DGCR2: variants seen among roughly 807,000 people sequenced by gnomAD.
DGCR2 encodes the protein DiGeorge syndrome critical region gene 2.
A neutral mutation model predicts 51.6 loss-of-function variants in DGCR2; 24 were observed. The ratio of observed to expected loss-of-function variants is 0.47; its 90% CI spans 0.34 to 0.65. The LOEUF (loss-of-function observed/expected upper bound fraction) is 0.65. Among genes scored for constraint, DGCR2 ranks in the 30% least tolerant of loss-of-function variants. DGCR2 has a pLI of 0.01. For synonymous variants in DGCR2, 340 were observed against 315.4 expected, an observed-to-expected ratio of 1.08 and a Z score of -0.82; for missense variants, 765 against 772.1, an observed-to-expected ratio of 0.99 and a Z score of 0.11.
At chr22:19,068,312 G>A in intron 2 of DGCR2, 87 bp from the exon 3 acceptor site, 7 of 1,388,236 alleles carry the variant, frequency 5.0e-6, no homozygotes, top group Non-Finnish European at 1.9e-6. Flanking sequence ...ACTCAGGGCT[G>A]CAAGGCCGGA....
In DGCR2 at chr22:19,048,430, A is replaced by G. The variant is rs754053203; in HGVS notation, c.1006+10T>C. On this transcript the variant is annotated intron_variant, in intron 7 of 9. Coordinates refer to ENST00000263196, the MANE Select transcript of DGCR2 (RefSeq NM_005137.3). The stretch of plus-strand genomic sequence containing the variant: ...GAGGCTGACTTGGGACGTCCTATCA[A>G]GAGTCTCACCTGGGTCCAGACACAT... 1.2e-6 allele frequency: 2 copies of G among 1,614,066 alleles called. No individual in the cohort carries two copies. Among genetic ancestry groups the G allele is most frequent in the Admixed American group, 1.7e-5 (1 of 60,022 alleles).
At position 19,041,967 on chromosome 22, in the gene DGCR2, G is replaced by T. The variant is rs1159516512; in HGVS notation, c.1007-8C>A. The T allele has an allele frequency of 1.2e-6, 2 of 1,611,024 alleles. No homozygotes were observed. Among genetic ancestry groups the T allele is most frequent in the Admixed American group, 3.3e-5 (2 of 59,724 alleles). ...CAAACAGACTGTTGCCATCTGAGGG[G>T]GAGGGGAGGAAATGGCCGCTCTGAG... On this transcript the variant is annotated splice_polypyrimidine_tract_variant and splice_region_variant and intron_variant, in intron 7 of 9. Coordinates refer to ENST00000263196, the MANE Select transcript of DGCR2 (RefSeq NM_005137.3).
rs747592522 is a variant in DGCR2, at chr22:19,068,113, G to A, written c.315C>T (p.Pro105=). Reference sequence around the variant, plus strand: ...TCTGCAACTTACTGCTGAAGCGAACGGGCTGCGCCACGTTCACCGCGTGGA... The same window carrying A: ...TCTGCAACTTACTGCTGAAGCGAACAGGCTGCGCCACGTTCACCGCGTGGA... ...SHFHAVNVAQ[P]VRFSSFLGKC... is the part of the protein sequence containing the mutation. The change falls in exon 3 of 10, where the codon CCC becomes CCT. Residue 105 remains proline (P), a synonymous_variant. Transcript: ENST00000263196. 1.6e-5 allele frequency: 25 copies of A among 1,591,854 alleles called. No homozygotes were observed. The highest frequency in any genetic ancestry group is 6.8e-5 in the East Asian group (3 of 44,146).
At chr22:19,062,779 A>ATTCTTTCTCT in intron 5 of DGCR2, among the ~76,000 whole-genome samples, 1 of 127,354 alleles carries the variant, frequency 7.9e-6, no homozygotes, top group Admixed American at 7.8e-5. Context: ...ATGCATGCTC[A>ATTCTTTCTCT]CTCTCTCTCT....
intron 2 of DGCR2, among the ~76,000 whole-genome samples, chr22:19,069,357 T>A (rs1441813455): frequency 6.6e-6 from 1 of 152,256 alleles, no homozygotes; most frequent in East Asian, 1.9e-4. Flanking sequence ...GACTTTGCAA[T>A]GGTTTTTATT....
chr22:19,085,389 G>A (rs1415034607), intron 2 of DGCR2, among the ~76,000 whole-genome samples: 2 of 152,220 alleles, frequency 1.3e-5, no homozygotes, highest in Admixed American at 6.5e-5. Context: ...AGTGGGGGAA[G>A]GCAGAAGCCA....
rs140858294 is a variant in DGCR2, at chr22:19,041,840, G to A, written c.1126C>T (p.Arg376Trp). Residue 376 changes from arginine (R) to tryptophan (W), a missense_variant, in exon 8 of 10, where the codon CGG (arginine) becomes TGG (tryptophan). By Grantham distance (101) the Arg-to-Trp change is moderately radical. Transcript: ENST00000263196. ...CCAATCAGGGACTCGATGCGCTCCCGGCGCCGCTGGCGCAGCCGGTGGACC... is the reference window on the plus strand; with the variant it reads ...CCAATCAGGGACTCGATGCGCTCCCAGCGCCGCTGGCGCAGCCGGTGGACC... ...FMVHRLRQRR[R>W]ERIESLIGAN... 3 of 1,612,834 alleles carry A rather than the reference G, an allele frequency of 1.9e-6. No individual in the cohort carries two copies. Among genetic ancestry groups the A allele is most frequent in the South Asian group, 1.1e-5 (1 of 91,032 alleles).
chr22:19,062,775 G>GCTCTCGCTCTCTCTCTCTCTCTCT (rs1491258740), intron 5 of DGCR2, among the ~76,000 whole-genome samples: 1 of 108,860 alleles, frequency 9.2e-6, no homozygotes. Context: ...ACACATGCAT[G>GCTCTCGCTCTCTCTCTCTCTCTCT]CTCACTCTCT....
chr22:19,121,566 C>A (rs1287125428), intron 1 of DGCR2: 1 of 152,508 alleles, frequency 6.6e-6, no homozygotes, highest in African/African-American at 2.4e-5. Flanking sequence ...CGCAGCACGG[C>A]TAAGGGCCCC....
At chr22:19,118,541 T>C (rs193245840) in intron 1 of DGCR2, among the ~76,000 whole-genome samples, 35 of 152,296 alleles carry the variant, frequency 2.3e-4, no homozygotes, top group African/African-American at 7.7e-4. Context: ...GAACCCACGC[T>C]CTGCTGCTCA....
chr22:19,093,360 CG>C (rs1201719057), intron 1 of DGCR2, among the ~76,000 whole-genome samples: 11 of 106,688 alleles, frequency 1.0e-4, no homozygotes, highest in Admixed American at 4.6e-4. Flanking sequence ...AACTCCACCT[CG>C]AAAAAAAAAA....
intron 1 of DGCR2, among the ~76,000 whole-genome samples, chr22:19,101,013 G>A (rs1250195891): frequency 6.6e-6 from 1 of 151,960 alleles, no homozygotes; most frequent in East Asian, 1.9e-4. Flanking sequence ...GGCTGAAGTG[G>A]GAGAACCACT....
chr22:19,069,641 T>A (rs979873093), intron 2 of DGCR2, among the ~76,000 whole-genome samples: 1 of 152,248 alleles, frequency 6.6e-6, no homozygotes, highest in Non-Finnish European at 1.5e-5. Context: ...TGACTTTTGA[T>A]GGCTGCATAG....
At chr22:19,118,989 C>T (rs1470182225) in intron 1 of DGCR2, among the ~76,000 whole-genome samples, 1 of 152,172 alleles carries the variant, frequency 6.6e-6, no homozygotes, top group Non-Finnish European at 1.5e-5. Flanking sequence ...TCATAACACA[C>T]ATCATCAGTG....
intron 3 of DGCR2, among the ~76,000 whole-genome samples, chr22:19,066,523 C>T (rs17810768): frequency 0.094 from 14,383 of 152,288 alleles, 750 homozygotes; most frequent in Middle Eastern, 0.15. Context: ...CTGGGTGCCA[C>T]ACCAATGCAT....
At chr22:19,082,222 C>CTT (rs56725898) in intron 2 of DGCR2, among the ~76,000 whole-genome samples, 1,931 of 88,024 alleles carry the variant, frequency 0.022, 111 homozygotes, top group African/African-American at 0.05. Flanking sequence ...CTAATTATTT[C>CTT]TTTTTTTTTT....
intron 6 of DGCR2, among the ~76,000 whole-genome samples, chr22:19,052,414 T>TCACACACACACA (rs34670843): frequency 2.4e-4 from 35 of 148,666 alleles, no homozygotes; most frequent in South Asian, 6.5e-4. Flanking sequence ...AGACTCTGTC[T>TCACACACACACA]CACACACACA....
chr22:19,077,004 G>GT (rs1182802076), intron 2 of DGCR2, among the ~76,000 whole-genome samples: 1 of 152,140 alleles, frequency 6.6e-6, no homozygotes, highest in Non-Finnish European at 1.5e-5. Context: ...GATTACAGGC[G>GT]TGAGCCGCCG....
chr22:19,091,240 T>C (rs1307625006), intron 1 of DGCR2, among the ~76,000 whole-genome samples: 1 of 152,130 alleles, frequency 6.6e-6, no homozygotes, highest in Non-Finnish European at 1.5e-5. Flanking sequence ...ACGCCTATAG[T>C]CCCAGCTACT....
Sources: allele counts gnomAD v4.1 joint callset (sites outside exome capture counted in the v4.1 genomes callset), GRCh38; gene constraint gnomAD v4.1.1; transcripts MANE v1.5; gene names NCBI Gene and HGNC (gene_info 2026-07-23, HGNC 2026-07-21).